TDRD12: variants seen among roughly 807,000 people sequenced by gnomAD.
TDRD12 encodes the protein putative ATP-dependent RNA helicase TDRD12.
Under a neutral mutation model 133.5 loss-of-function variants are expected in TDRD12, and 158 were observed. That is an observed-to-expected ratio of 1.18 (90% CI 1.04 to 1.35). TDRD12 has a LOEUF of 1.35. TDRD12 is among the 40% of genes most tolerant of loss of function. The pLI is 0.00. For synonymous variants in TDRD12, 460 were observed against 477.9 expected (o/e 0.96, Z 0.49); for missense variants, 1,443 against 1,321.3 (o/e 1.09, Z -1.43).
At chr19:32,806,356 T>TTTA (rs1555776564) in intron 21 of TDRD12, among the ~76,000 whole-genome samples, 1 of 151,096 alleles carries the variant, frequency 6.6e-6, no homozygotes, top group African/African-American at 2.4e-5. Context: ...TTTTTTTTTT[T>TTTA]AAGACAGTCT....
At chr19:32,806,193 C>T (rs1971543249) in intron 21 of TDRD12, among the ~76,000 whole-genome samples, 1 of 152,206 alleles carries the variant, frequency 6.6e-6, no homozygotes, top group South Asian at 2.1e-4. Context: ...GCGTGATACA[C>T]AGACAGCTGA....
At chr19:32,794,395 G>C (rs141951753) in intron 13 of TDRD12, among the ~76,000 whole-genome samples, 1 of 152,028 alleles carries the variant, frequency 6.6e-6, no homozygotes, top group Non-Finnish European at 1.5e-5. Flanking sequence ...ATGAGCCACC[G>C]TGCCCTGCCT....
At chr19:32,802,478 T>G (rs767891165) in intron 19 of TDRD12, among the ~76,000 whole-genome samples, 178 bp from the exon 20 acceptor site, 1 of 152,066 alleles carries the variant, frequency 6.6e-6, no homozygotes, top group Non-Finnish European at 1.5e-5. Flanking sequence ...CACTTTTCTC[T>G]GGAATTTAAG....
At chr19:32,815,980 G>A (rs563265432) in intron 26 of TDRD12, among the ~76,000 whole-genome samples, 2 of 151,138 alleles carry the variant, frequency 1.3e-5, no homozygotes, top group Non-Finnish European at 2.9e-5. Context: ...GCGACAGAGT[G>A]AGACTACGTC....
chr19:32,764,759 T>G (rs1159552393), intron 8 of TDRD12, among the ~76,000 whole-genome samples: 1 of 152,240 alleles, frequency 6.6e-6, no homozygotes, highest in African/African-American at 2.4e-5. Flanking sequence ...CAGTTTTTCC[T>G]TCATGTATTT....
chr19:32,800,379 ATGTGTATG>A, intron 17 of TDRD12, 21 bp downstream of exon 17: 1 of 1,468,110 alleles, frequency 6.8e-7, no homozygotes. Context: ...GTGTATGTGT[ATGTGTATG>A]TGTGTGTGTG....
At chr19:32,736,337 GC>G in intron 2 of TDRD12, among the ~76,000 whole-genome samples, 1 of 152,180 alleles carries the variant, frequency 6.6e-6, no homozygotes, top group Non-Finnish European at 1.5e-5. Flanking sequence ...GATCACTTGG[GC>G]CCAGGAGTTT....
chr19:32,763,346 C>G (rs999440170), intron 8 of TDRD12, among the ~76,000 whole-genome samples: 1 of 152,118 alleles, frequency 6.6e-6, no homozygotes, highest in Non-Finnish European at 1.5e-5. Flanking sequence ...TTCTAGGGAG[C>G]CTGTACCTTT....
chr19:32,751,046 C>T (rs761876015), intron 6 of TDRD12, among the ~76,000 whole-genome samples: 10 of 152,016 alleles, frequency 6.6e-5, no homozygotes, highest in South Asian at 2.1e-4. Context: ...CAGATCATCC[C>T]GTGACCTAGG....
intron 26 of TDRD12, 136 bp downstream of exon 26, chr19:32,815,756 G>A: frequency 1.2e-6 from 1 of 833,258 alleles, no homozygotes; most frequent in Middle Eastern, 2.5e-4. Context: ...AGCACTTTGG[G>A]AGGCCAAGGT....
At chr19:32,752,790 C>CTTTT (rs770183335) in intron 6 of TDRD12, among the ~76,000 whole-genome samples, 37 of 130,114 alleles carry the variant, frequency 2.8e-4, no homozygotes, top group African/African-American at 9.1e-4. Context: ...CCACTTCTTC[C>CTTTT]TTTTTTTTTT....
At chr19:32,821,834 C>T (rs904344399), downstream of TDRD12, among the ~76,000 whole-genome samples, 1 of 152,220 alleles carries the variant, frequency 6.6e-6, no homozygotes, top group Non-Finnish European at 1.5e-5. Context: ...TTTTATTGCA[C>T]AGCGCCTCAG....
chr19:32,805,597 T>C (rs1000776364), intron 21 of TDRD12, among the ~76,000 whole-genome samples: 3 of 152,188 alleles, frequency 2.0e-5, no homozygotes, highest in Non-Finnish European at 4.4e-5. Flanking sequence ...TGGTCTAACT[T>C]TATACCAGTA....
chr19:32,810,975 A>G (rs1420145806), intron 23 of TDRD12, among the ~76,000 whole-genome samples: 1 of 152,202 alleles, frequency 6.6e-6, no homozygotes, highest in Non-Finnish European at 1.5e-5. Flanking sequence ...AATTTTTATT[A>G]TGTTGTTAGA....
At chr19:32,749,541 T>C (rs34748593) in intron 5 of TDRD12, among the ~76,000 whole-genome samples, 26,816 of 151,778 alleles carry the variant, frequency 0.18, 2,493 homozygotes, top group African/African-American at 0.21. Context: ...AAATCTGGGT[T>C]TGGGAGGCAT....
intron 3 of TDRD12, among the ~76,000 whole-genome samples, chr19:32,740,460 ACTCTGCATCTCCTGGGTGCT>A (rs1969387751): frequency 1.8e-5 from 1 of 54,600 alleles, no homozygotes; most frequent in African/African-American, 7.6e-5. Flanking sequence ...TCTCCTGGGT[ACTCTGCATCTCCTGGGTGCT>A]CTCTGCATCT....
chr19:32,805,671 A>G (rs1374578994), intron 21 of TDRD12, among the ~76,000 whole-genome samples: 1 of 151,604 alleles, frequency 6.6e-6, no homozygotes, highest in Non-Finnish European at 1.5e-5. Flanking sequence ...GGTCCTCATC[A>G]AGGTTGTTTG....
exon 23 of TDRD12, chr19:32,810,243 T>A (rs752462992): frequency 6.6e-7 from 1 of 1,526,004 alleles, no homozygotes; most frequent in African/African-American, 1.4e-5. Context: ...GAAGTTTGGA[T>A]TGTATGGATT....
At chr19:32,749,814 C>T in exon 6 of TDRD12, 1 of 1,550,362 alleles carries the variant, frequency 6.5e-7, no homozygotes, top group South Asian at 1.2e-5. Context: ...AGATTATGTG[C>T]TGTGGAAGAA....
Sources: gnomAD v4.1 joint callset for allele counts (sites outside exome capture counted in the v4.1 genomes callset) on GRCh38, gnomAD v4.1.1 for gene constraint, MANE v1.5 for transcripts, NCBI Gene and HGNC (gene_info 2026-07-23, HGNC 2026-07-21) for gene names.